SLC35F5: variants seen among roughly 807,000 people sequenced by gnomAD.
The protein encoded by SLC35F5 is HCV NS5A-transactivated protein 3.
Under a neutral mutation model 68.6 loss-of-function variants are expected in SLC35F5, and 54 were observed. That is an observed-to-expected ratio of 0.79 (90% confidence interval 0.63 to 0.99). The LOEUF is 0.99. Among genes scored for constraint, SLC35F5 ranks in the 50% least tolerant of loss-of-function variants. The pLI is 0.00. For missense variants in SLC35F5, 567 were observed against 626.9 expected (o/e 0.90, Z 1.02); for synonymous variants, 211 against 205.2 (o/e 1.03, Z -0.24).
chr2:113,750,629 C>A, intron 3 of SLC35F5, 61 bp from the exon 4 acceptor site: 2 of 1,376,488 alleles, frequency 1.5e-6, no homozygotes, highest in South Asian at 1.8e-5. Flanking sequence ...TTACTCATCT[C>A]CAAAATAAAG....
rs542661261 is a variant in SLC35F5 at position 113,710,582 on chromosome 2, T to C, written c.*4636A>G. Among the ~76,000 whole-genome samples, 22 of 151,952 alleles carry C rather than the reference T, an allele frequency of 1.4e-4. No individual in the cohort carries two copies. Among genetic ancestry groups the C allele is most frequent in the African/African-American group, 5.1e-4 (21 of 41,424 alleles). On this transcript the variant is annotated 3_prime_UTR_variant, in exon 16 of 16. Transcript: ENST00000245680. ...CCATCTCTACTAAAAACACAAAAAT[T>C]AGGCAATATAGCAAGACCCCATCTC...
rs1426065745 is a variant in SLC35F5, at chr2:113,710,571, A to C, written c.*4647T>G. Among the ~76,000 whole-genome samples the C allele has an allele frequency of 6.6e-6, 1 of 152,074 alleles. No homozygotes were observed. Among genetic ancestry groups the C allele is most frequent in the Non-Finnish European group, 1.5e-5 (1 of 68,018 alleles). Reference sequence around the variant, plus strand: ...ATGGTGAAACCCCATCTCTACTAAAAACACAAAAATTAGGCAATATAGCAA... The same window carrying C: ...ATGGTGAAACCCCATCTCTACTAAACACACAAAAATTAGGCAATATAGCAA... On this transcript the variant is annotated 3_prime_UTR_variant, in exon 16 of 16. Coordinates refer to ENST00000245680, the MANE Select transcript of SLC35F5 (RefSeq NM_025181.5).
chr2:113,723,770 C>A (rs1559326633), intron 12 of SLC35F5, among the ~76,000 whole-genome samples: 1 of 152,070 alleles, frequency 6.6e-6, no homozygotes, highest in Non-Finnish European at 1.5e-5. Context: ...TTGTCCTAAC[C>A]AAAAGCTAAG....
chr2:113,755,007 A>C (rs1452622544), intron 3 of SLC35F5, among the ~76,000 whole-genome samples, 158 bp downstream of exon 3: 4 of 152,224 alleles, frequency 2.6e-5, no homozygotes, highest in African/African-American at 9.6e-5. Flanking sequence ...TTTCAGTTTT[A>C]ACTTCAAGTG....
At chr2:113,732,184 C>A (rs1574238238) in intron 9 of SLC35F5, among the ~76,000 whole-genome samples, 2 of 152,224 alleles carry the variant, frequency 1.3e-5, no homozygotes, top group South Asian at 4.1e-4. Context: ...CGTGCTTAAA[C>A]AATTTCACTA....
In SLC35F5 at chr2:113,750,532, T is replaced by C. The variant is rs796152865; in HGVS notation, c.310A>G (p.Thr104Ala). The part of the protein sequence containing the change: ...FTQYNKPFFS[T>A]FAKTSMFVLY... ...ACAAACATAGATGTTTTTGCAAAGG[T>C]GCTGAAGAATGGTTTGTTGTACTGG... The change falls in exon 4 of 16, where the codon ACC becomes GCC. Residue 104 changes from threonine to alanine, a missense_variant. Coordinates refer to ENST00000245680, the MANE Select transcript of SLC35F5 (RefSeq NM_025181.5). The C allele has an allele frequency of 1.9e-6, 3 of 1,612,542 alleles. No individual in the cohort carries two copies. Among genetic ancestry groups the C allele is most frequent in the Non-Finnish European group, 2.5e-6 (3 of 1,179,384 alleles).
At chr2:113,717,656 G>C in intron 15 of SLC35F5, 97 bp downstream of exon 15, 1 of 796,698 alleles carries the variant, frequency 1.3e-6, no homozygotes, top group Non-Finnish European at 2.0e-6. Flanking sequence ...CTCTAAGGCT[G>C]TATTGCCTCT....
At chr2:113,756,195 G>T in intron 1 of SLC35F5, 175 bp downstream of exon 1, 1 of 1,477,968 alleles carries the variant, frequency 6.8e-7, no homozygotes, top group East Asian at 2.5e-5. Context: ...ATTGCCAGCG[G>T]TGGGCGCAGG....
chr2:113,750,063 T>C (rs1676673140), intron 4 of SLC35F5, among the ~76,000 whole-genome samples: 1 of 152,198 alleles, frequency 6.6e-6, no homozygotes, highest in African/African-American at 2.4e-5. Flanking sequence ...TTTTTTTGTT[T>C]CCAGAATCCA....
At position 113,714,382 on chromosome 2, in the gene SLC35F5, ACT is replaced by A. The variant is rs1221174402; in HGVS notation, c.*834_*835del. On this transcript the variant is annotated 3_prime_UTR_variant, in exon 16 of 16. Coordinates refer to ENST00000245680, the MANE Select transcript of SLC35F5 (RefSeq NM_025181.5). ...CGTATAAACATTGTATTTTAATAAT[ACT>A]CTTTGTCACTTCAATTTAAATCATT... The A allele has an allele frequency of 1.3e-5, 2 of 152,064 alleles. No homozygotes were observed. Among genetic ancestry groups the A allele is most frequent in the Non-Finnish European group, 2.9e-5 (2 of 67,944 alleles). The allele number at this position is 152,064 out of a possible 1,614,324, so 9.4% of individuals were successfully genotyped here.
chr2:113,731,931 G>A (rs755854094), intron 9 of SLC35F5, among the ~76,000 whole-genome samples: 20 of 152,016 alleles, frequency 1.3e-4, no homozygotes, highest in South Asian at 2.1e-4. Context: ...TACACAAAGA[G>A]GTAAGGTAAC....
chr2:113,727,423 A>T (rs1687704975), intron 11 of SLC35F5, among the ~76,000 whole-genome samples: 1 of 152,184 alleles, frequency 6.6e-6, no homozygotes, highest in South Asian at 2.1e-4. Context: ...TAACATTACA[A>T]AGTTGTTTTA....
At position 113,709,414 on chromosome 2, in the gene SLC35F5, G is replaced by A. The variant is rs541106118; in HGVS notation, c.*5804C>T. Among the ~76,000 whole-genome samples the A allele has an allele frequency of 1.6e-4, 25 of 152,294 alleles. No homozygotes were observed. Among genetic ancestry groups the A allele is most frequent in the Non-Finnish European group, 3.1e-4 (21 of 68,024 alleles). On this transcript the variant is annotated 3_prime_UTR_variant, in exon 16 of 16. Coordinates refer to ENST00000245680, the MANE Select transcript of SLC35F5 (RefSeq NM_025181.5). ...GGAATCTTAAAAGATACTGAATTTC[G>A]CTTCTCACTTTATAGCTGAGAAGAG...
intron 8 of SLC35F5, among the ~76,000 whole-genome samples, chr2:113,735,531 G>A (rs1688056405): frequency 6.6e-6 from 1 of 152,096 alleles, no homozygotes; most frequent in Non-Finnish European, 1.5e-5. Context: ...CATAGAAAAG[G>A]TACAGTAAAA....
chr2:113,703,684 A>G (rs1249962581), downstream of SLC35F5: 1 of 152,144 alleles, frequency 6.6e-6, no homozygotes, highest in Admixed American at 6.5e-5. Flanking sequence ...CCAATTCAAA[A>G]CTTAATACTT....
At chr2:113,741,299 T>C (rs1378348904) in intron 7 of SLC35F5, among the ~76,000 whole-genome samples, 1 of 152,182 alleles carries the variant, frequency 6.6e-6, no homozygotes, top group Non-Finnish European at 1.5e-5. Context: ...AGAGGAGCTA[T>C]TGTTTAACGG....
chr2:113,719,389 T>C lies in SLC35F5; in HGVS notation c.1342-81A>G. Reference sequence around the variant, plus strand: ...TCCCCTTCAATGTAAGTTTTCTATTTGTGAAAACTAGCAGGAATAAGAACA... The same window carrying C: ...TCCCCTTCAATGTAAGTTTTCTATTCGTGAAAACTAGCAGGAATAAGAACA... On this transcript the variant is annotated intron_variant, in intron 13 of 15. Coordinates refer to ENST00000245680, the MANE Select transcript of SLC35F5 (RefSeq NM_025181.5). 2.4e-6 allele frequency: 3 copies of C among 1,267,166 alleles called. No individual in the cohort carries two copies. The South Asian group carries it at 4.9e-5, about 21-fold the overall frequency. The allele number at this position is 1,267,166 out of a possible 1,614,324, so 78.5% of individuals were successfully genotyped here.
rs564576734 is a variant in SLC35F5, at chr2:113,756,630, G to A, written c.-221C>T. 1.5e-5 allele frequency: 19 copies of A among 1,276,104 alleles called. No individual in the cohort carries two copies. The South Asian group carries it at 2.4e-4, about 16-fold the overall frequency. The allele number at this position is 1,276,104 out of a possible 1,614,324, so 79.0% of individuals were successfully genotyped here. On this transcript the variant is annotated 5_prime_UTR_variant, in exon 1 of 16. Coordinates refer to ENST00000245680, the MANE Select transcript of SLC35F5 (RefSeq NM_025181.5). ...CGGCACAGTCAGCTATGGCCGCGGA[G>A]GCCCGGAGATCTGCTCTGGCCCCGG...
At chr2:113,740,703 T>C (rs745598761) in intron 7 of SLC35F5, among the ~76,000 whole-genome samples, 9 of 152,038 alleles carry the variant, frequency 5.9e-5, no homozygotes, top group Non-Finnish European at 1.0e-4. Flanking sequence ...ATCGGCTCAC[T>C]GCAACCTCCA....
Sources: gnomAD v4.1 joint callset for allele counts (sites outside exome capture counted in the v4.1 genomes callset) on GRCh38, gnomAD v4.1.1 for gene constraint, MANE v1.5 for transcripts, NCBI Gene and HGNC (gene_info 2026-07-23, HGNC 2026-07-21) for gene names.